Variants in VWA5A observed in about 807,000 individuals in gnomAD.
VWA5A encodes the protein von Willebrand factor A domain-containing protein 5A.
In VWA5A, 77 loss-of-function variants were observed where a neutral mutation model predicts 84.6. The ratio of observed to expected loss-of-function variants is 0.91; its 90% CI spans 0.76 to 1.10. The LOEUF (loss-of-function observed/expected upper bound fraction) is 1.10, where lower values mean the gene tolerates loss of function less well. Among genes scored for constraint, VWA5A ranks in the 50% least tolerant of loss-of-function variants. The probability of loss-of-function intolerance (pLI) is 0.00; values close to 1 mark genes in which losing one functional copy is unlikely to be tolerated. For synonymous variants in VWA5A, 334 were observed against 350.1 expected (o/e 0.95, Z 0.51); for missense variants, 973 against 963.0 (o/e 1.01, Z -0.14).
intron 15 of VWA5A, among the ~76,000 whole-genome samples, chr11:124,138,148 CT>C (rs1369681564): frequency 3.0e-4 from 45 of 152,112 alleles, no homozygotes; most frequent in African/African-American, 1.0e-3. Flanking sequence ...GAATTTTGTT[CT>C]TTTTTATGGC....
In VWA5A at chr11:124,118,681, C is replaced by T; in HGVS notation, c.618C>T (p.Tyr206=). 2 of 1,613,978 alleles carry T rather than the reference C, an allele frequency of 1.2e-6. No homozygotes were observed. Among genetic ancestry groups the T allele is most frequent in the Admixed American group, 3.3e-5 (2 of 60,000 alleles). The change falls in exon 6 of 19, where the codon TAC becomes TAT. Residue 206 remains tyrosine, a synonymous_variant. Coordinates refer to ENST00000456829, the MANE Select transcript of VWA5A (RefSeq NM_001130142.2). ...ACTGCCCCTTGAGTCCTACCGAGTA[C>T]CTAGGAGAGGACAAGACTTCTGCTC... ...QSNCPLSPTE[Y]LGEDKTSAQV... is the part of the protein sequence containing the mutation.
At chr11:124,120,762 A>G (rs945996415) in intron 7 of VWA5A, among the ~76,000 whole-genome samples, 2 of 152,190 alleles carry the variant, frequency 1.3e-5, no homozygotes, top group African/African-American at 2.4e-5. Context: ...TTGGGTGTCC[A>G]TGAAATATTC....
At chr11:124,131,119 C>T (rs931600458) in intron 11 of VWA5A, among the ~76,000 whole-genome samples, 1 of 151,834 alleles carries the variant, frequency 6.6e-6, no homozygotes, top group Non-Finnish European at 1.5e-5. Context: ...TCTTAGTGGG[C>T]GCCTGAAACT....
At chr11:124,121,591 C>T (rs892238552) in intron 7 of VWA5A, among the ~76,000 whole-genome samples, 5 of 151,904 alleles carry the variant, frequency 3.3e-5, no homozygotes, top group Admixed American at 3.3e-4. Flanking sequence ...GATTGGATAC[C>T]CCGGCTTAAA....
chr11:124,139,070 A>C (rs1049001483), intron 15 of VWA5A, among the ~76,000 whole-genome samples: 2 of 152,198 alleles, frequency 1.3e-5, no homozygotes, highest in African/African-American at 4.8e-5. Context: ...TTTGTCAAAA[A>C]TTAGTTGGCT....
intron 12 of VWA5A, among the ~76,000 whole-genome samples, chr11:124,135,656 G>A (rs7126864): frequency 0.094 from 12,853 of 137,144 alleles, 601 homozygotes; most frequent in African/African-American, 0.14. Flanking sequence ...TCAGCCTCCT[G>A]AGTAGCTGGG....
chr11:124,138,151 T>C (rs1413314842), intron 15 of VWA5A, among the ~76,000 whole-genome samples: 1 of 152,250 alleles, frequency 6.6e-6, no homozygotes, highest in African/African-American at 2.4e-5. Flanking sequence ...TTTTGTTCTT[T>C]TTTATGGCTG....
chr11:124,141,734 C>T lies in VWA5A; in HGVS notation c.2016C>T (p.His672=). 1 of 1,614,166 alleles carries T rather than the reference C, an allele frequency of 6.2e-7. No individual in the cohort carries two copies. Among genetic ancestry groups the T allele is most frequent in the Non-Finnish European group, 8.5e-7 (1 of 1,180,020 alleles). ...LCGLISHKDQ[H]SPGFGENHLV... is the part of the protein sequence containing the mutation. The stretch of plus-strand genomic sequence containing the variant: ...GGTTGATAAGTCACAAGGACCAGCA[C>T]AGTCCAGGTGAGTACCTTTATAGGA... The change falls in exon 16 of 19, where the codon CAC becomes CAT. Residue 672 remains histidine (H), a synonymous_variant. Transcript: ENST00000456829.
chr11:124,141,543 T>G (rs1860727460), intron 15 of VWA5A, 55 bp from the exon 16 acceptor site: 4 of 1,600,218 alleles, frequency 2.5e-6, no homozygotes, highest in Admixed American at 1.7e-5. Context: ...TCACAGTCCT[T>G]TGCCCACTGC....
chr11:124,121,593 C>A (rs1864933193), intron 7 of VWA5A, among the ~76,000 whole-genome samples: 1 of 152,056 alleles, frequency 6.6e-6, no homozygotes, highest in African/African-American at 2.4e-5. Context: ...TTGGATACCC[C>A]GGCTTAAAAT....
At chr11:124,144,916 G>A (rs1054103072) in intron 17 of VWA5A, among the ~76,000 whole-genome samples, 4 of 152,054 alleles carry the variant, frequency 2.6e-5, no homozygotes, top group African/African-American at 9.7e-5. Context: ...AAAAACTTAT[G>A]AAGGTTCTTT....
chr11:124,146,091 C>A lies in VWA5A; in HGVS notation c.*146C>A. The A allele has an allele frequency of 1.3e-6, 1 of 760,628 alleles. No homozygotes were observed. Among genetic ancestry groups the A allele is most frequent in the Non-Finnish European group, 2.0e-6 (1 of 489,454 alleles). The allele number at this position is 760,628 out of a possible 1,614,324, so 47.1% of individuals were successfully genotyped here. The stretch of plus-strand genomic sequence containing the variant: ...AGGATGCTTACTCCACTTCGCTTCT[C>A]TGCTCCAGGTTCACTTTGGATATGA... On this transcript the variant is annotated 3_prime_UTR_variant, in exon 19 of 19. Transcript: ENST00000456829.
In VWA5A at chr11:124,145,915, A is replaced by G. The variant is rs769840702; in HGVS notation, c.2331A>G (p.Ser777=). 2 of 1,588,562 alleles carry G rather than the reference A, an allele frequency of 1.3e-6. No individual in the cohort carries two copies. The highest frequency in any genetic ancestry group is 1.7e-5 in the Admixed American group (1 of 58,578). Residue 777 remains serine (S), a synonymous_variant, in exon 19 of 19, where the codon TCA becomes TCG. Coordinates refer to ENST00000456829, the MANE Select transcript of VWA5A (RefSeq NM_001130142.2). ...AAGCTGCTATTACTTTCCTGAAGTC[A>G]TCTGTGGATCCTGCTATCTTTGCCT... The part of the protein sequence containing the change: ...VVKAAITFLK[S]SVDPAIFAF
chr11:124,123,649 G>A lies in VWA5A; in HGVS notation c.1020-11G>A. 2.5e-6 allele frequency: 4 copies of A among 1,614,138 alleles called. No homozygotes were observed. The highest frequency in any genetic ancestry group is 3.4e-6 in the Non-Finnish European group (4 of 1,180,028). On this transcript the variant is annotated splice_polypyrimidine_tract_variant and intron_variant, in intron 9 of 18. Coordinates refer to ENST00000456829, the MANE Select transcript of VWA5A (RefSeq NM_001130142.2). The stretch of plus-strand genomic sequence containing the variant: ...AACCCTCATGTAACTGGGTGTGTTT[G>A]TTTTTCTCAGGGAGAGTGTGAAGTA...
intron 11 of VWA5A, among the ~76,000 whole-genome samples, chr11:124,131,851 CA>C (rs1865102653): frequency 1.3e-5 from 2 of 151,590 alleles, no homozygotes; most frequent in African/African-American, 4.8e-5. Flanking sequence ...GAACCTCTAA[CA>C]GAAATCTGAA....
At chr11:124,136,780 C>T in intron 14 of VWA5A, 106 bp downstream of exon 14, 1 of 840,872 alleles carries the variant, frequency 1.2e-6, no homozygotes, top group Non-Finnish European at 1.8e-6. Context: ...CTCCCTCCCT[C>T]CTTCCTTCCT....
chr11:124,123,234 C>G, intron 8 of VWA5A, 105 bp downstream of exon 8: 3 of 1,526,144 alleles, frequency 2.0e-6, no homozygotes, highest in South Asian at 2.5e-5. Context: ...GCACGACCAC[C>G]CTGAGGCTAG....
At position 124,118,616 on chromosome 11, in the gene VWA5A, A is replaced by G. The variant is rs1864879689; in HGVS notation, c.553A>G (p.Thr185Ala). The change falls in exon 6 of 19, where the codon ACC becomes GCC. Residue 185 changes from threonine to alanine, a missense_variant. By Grantham distance (58) the Thr-to-Ala change is moderately conservative. Coordinates refer to ENST00000456829, the MANE Select transcript of VWA5A (RefSeq NM_001130142.2). ...DLPYTLSMVA[T>A]IDSQHGIEKV... is the part of the protein sequence containing the mutation. Reference sequence around the variant, plus strand: ...GCCCTACACACTCAGCATGGTCGCCACCATAGATTCCCAGCATGGCATTGA... The same window carrying G: ...GCCCTACACACTCAGCATGGTCGCCGCCATAGATTCCCAGCATGGCATTGA... 9 of 1,614,182 alleles carry G rather than the reference A, an allele frequency of 5.6e-6. No homozygotes were observed. Among genetic ancestry groups the G allele is most frequent in the Non-Finnish European group, 7.6e-6 (9 of 1,180,020 alleles).
rs1411257452 is a variant in VWA5A at position 124,137,132 on chromosome 11, C to G, written c.1743C>G (p.Val581=). 6.2e-7 allele frequency: 1 copy of G among 1,613,914 alleles called. No individual in the cohort carries two copies. The highest frequency in any genetic ancestry group is 8.5e-7 in the Non-Finnish European group (1 of 1,180,036). ...TGAACCTTAGCCTTGAGTCTGGTGT[C>G]ATAAGCTCCTTCACAGCTTTCATTG... ...DALNLSLESG[V]ISSFTAFIAI... is the part of the protein sequence containing the mutation. The change falls in exon 15 of 19, where the codon GTC becomes GTG. Residue 581 remains valine, a synonymous_variant. Transcript: ENST00000456829.
Sources: allele counts gnomAD v4.1 joint callset (sites outside exome capture counted in the v4.1 genomes callset), GRCh38; gene constraint gnomAD v4.1.1; transcripts MANE v1.5; gene names NCBI Gene and HGNC (gene_info 2026-07-23, HGNC 2026-07-21).